The following NAALADL2 variants were observed in gnomAD, a reference collection of about 807,000 sequenced individuals.
NAALADL2 encodes the protein inactive N-acetylated-alpha-linked acidic dipeptidase-like protein 2.
NAALADL2 carries 76 observed loss-of-function variants against 87.2 expected under a neutral mutation model. The ratio of observed to expected loss-of-function variants is 0.87; its 90% CI spans 0.72 to 1.05. The LOEUF (loss-of-function observed/expected upper bound fraction) is 1.05, where lower values mean the gene tolerates loss of function less well. NAALADL2 is among the 50% of genes least tolerant of loss of function. The pLI is 0.00. For missense variants in NAALADL2, 1,089 were observed against 945.8 expected, an observed-to-expected ratio of 1.15 and a Z score of -1.99; for synonymous variants, 354 against 331.0, an observed-to-expected ratio of 1.07 and a Z score of -0.75.
Position 174,883,857 on chromosome 3 carries a change from A to G in NAALADL2, c.43+24407A>G, listed in dbSNP as rs564900776. On this transcript the variant is annotated intron_variant, in intron 1 of 13. Transcript: ENST00000454872. ...ATTGGGCTGTTGTAATTTCCCATTG[A>G]CCTTAAACATAGGGCATGGTAATAC... 5.6e-4 allele frequency among the ~76,000 whole-genome samples: 85 copies of G among 152,124 alleles called. 2 individuals are homozygous for G. Among genetic ancestry groups the G allele is most frequent in the Non-Finnish European group, 9.9e-4 (67 of 68,000 alleles).
intron 1 of NAALADL2, among the ~76,000 whole-genome samples, chr3:175,007,742 C>A (rs1015925604): frequency 4.6e-5 from 7 of 151,840 alleles, no homozygotes; most frequent in Admixed American, 4.6e-4. Context: ...TACATACCTA[C>A]AAAAATATTT....
chr3:174,645,312 C>T (rs891653547), intron 2 of NAALADL2, among the ~76,000 whole-genome samples: 1 of 151,834 alleles, frequency 6.6e-6, no homozygotes, highest in Non-Finnish European at 1.5e-5. Flanking sequence ...CACGGTAGTC[C>T]CTAAAGTAGT....
chr3:175,074,917 G>A (rs556787714), intron 1 of NAALADL2, among the ~76,000 whole-genome samples: 134 of 146,030 alleles, frequency 9.2e-4, no homozygotes, highest in African/African-American at 3.3e-3. Flanking sequence ...CAGAGAAGGA[G>A]AAGGAGGAGG....
At chr3:174,565,106 T>C (rs1233481847) in intron 2 of NAALADL2, among the ~76,000 whole-genome samples, 1 of 152,100 alleles carries the variant, frequency 6.6e-6, no homozygotes, top group East Asian at 1.9e-4. Context: ...GTTTGCCCTA[T>C]TATTAACATC....
At chr3:175,284,156 G>A (rs919070100) in intron 4 of NAALADL2, among the ~76,000 whole-genome samples, 2 of 148,938 alleles carry the variant, frequency 1.3e-5, no homozygotes, top group African/African-American at 2.5e-5. Flanking sequence ...AAAGAAAATG[G>A]CAAAGGATAA....
intron 2 of NAALADL2, among the ~76,000 whole-genome samples, chr3:175,171,975 T>A (rs986339953): frequency 6.6e-6 from 1 of 151,916 alleles, no homozygotes; most frequent in Non-Finnish European, 1.5e-5. Flanking sequence ...AGTTAGAAAA[T>A]CTAAGTTGTA....
intron 1 of NAALADL2, among the ~76,000 whole-genome samples, chr3:175,051,460 T>C (rs557399826): frequency 2.6e-4 from 39 of 152,182 alleles, no homozygotes; most frequent in African/African-American, 8.9e-4. Flanking sequence ...CAGGATTCAG[T>C]TTCTTGTGGT....
chr3:175,496,713 C>A (rs1467310455), intron 9 of NAALADL2, among the ~76,000 whole-genome samples: 4 of 151,928 alleles, frequency 2.6e-5, no homozygotes, highest in Non-Finnish European at 5.9e-5. Context: ...GCCACTACAC[C>A]CAGCTATTTT....
At chr3:175,038,232 ATCT>A (rs1486292203) in intron 1 of NAALADL2, among the ~76,000 whole-genome samples, 1 of 152,174 alleles carries the variant, frequency 6.6e-6, no homozygotes, top group African/African-American at 2.4e-5. Flanking sequence ...TTGCTAACAA[ATCT>A]TCTTATAAAA....
intron 1 of NAALADL2, among the ~76,000 whole-genome samples, chr3:175,041,297 A>G (rs1754052466): frequency 1.3e-5 from 2 of 152,158 alleles, no homozygotes; most frequent in African/African-American, 2.4e-5. Flanking sequence ...AAGCAAATCT[A>G]TAATTTACAA....
intron 9 of NAALADL2, among the ~76,000 whole-genome samples, chr3:175,515,784 A>T (rs762089227): frequency 6.6e-6 from 1 of 152,138 alleles, no homozygotes; most frequent in African/African-American, 2.4e-5. Context: ...ATGATTTCCC[A>T]GTTGTTTCTC....
chr3:174,652,345 CACCA>C (rs1724450372), intron 2 of NAALADL2, among the ~76,000 whole-genome samples: 2 of 147,660 alleles, frequency 1.4e-5, no homozygotes, highest in African/African-American at 2.7e-5. Context: ...ACACTGAAAA[CACCA>C]ACCATAATGT....
At chr3:175,279,932 C>T (rs1754071087) in intron 4 of NAALADL2, among the ~76,000 whole-genome samples, 1 of 151,618 alleles carries the variant, frequency 6.6e-6, no homozygotes, top group African/African-American at 2.4e-5. Flanking sequence ...GCAAAAATGC[C>T]ATGCAAATTT....
In NAALADL2 at chr3:174,696,504, C is replaced by T. The variant is rs1313817123; in HGVS notation, c.-114-41137C>T. Among the ~76,000 whole-genome samples, 4 of 148,892 alleles carry T rather than the reference C, an allele frequency of 2.7e-5. No individual in the cohort carries two copies. The East Asian group carries it at 7.8e-4, about 29-fold the overall frequency. ...TGGTTAAAAACATTCTTGACTGATA[C>T]TGCTATCATTTATTAATTACCTTAC... On this transcript the variant is annotated intron_variant, in intron 2 of 3. Coordinates refer to the NAALADL2 transcript ENST00000434257.
At chr3:174,633,878 G>C (rs1428877508) in intron 2 of NAALADL2, among the ~76,000 whole-genome samples, 3 of 152,182 alleles carry the variant, frequency 2.0e-5, no homozygotes, top group Non-Finnish European at 1.5e-5. Flanking sequence ...ATTCTAAGGA[G>C]CATAGACTTG....
chr3:175,190,201 A>T (rs1447554944), intron 2 of NAALADL2, among the ~76,000 whole-genome samples: 1 of 152,050 alleles, frequency 6.6e-6, no homozygotes, highest in African/African-American at 2.4e-5. Flanking sequence ...AACAAAAATA[A>T]TTAAATAGTA....
At chr3:175,056,284 C>T (rs1264147778) in intron 1 of NAALADL2, among the ~76,000 whole-genome samples, 1 of 152,190 alleles carries the variant, frequency 6.6e-6, no homozygotes, top group African/African-American at 2.4e-5. Context: ...TGGTTATACT[C>T]TCCTTCCTTC....
chr3:175,652,465 A>C (rs1023814926), intron 11 of NAALADL2, among the ~76,000 whole-genome samples: 37 of 146,340 alleles, frequency 2.5e-4, no homozygotes, highest in African/African-American at 8.6e-4. Context: ...AGGACTGTTT[A>C]TTTTCTTTTC....
At chr3:174,956,704 A>G (rs1411469634) in intron 1 of NAALADL2, among the ~76,000 whole-genome samples, 3 of 151,966 alleles carry the variant, frequency 2.0e-5, no homozygotes, top group Non-Finnish European at 4.4e-5. Flanking sequence ...CCAGTTCTGG[A>G]GAAGGGTGGA....
Sources: allele counts gnomAD v4.1 joint callset (sites outside exome capture counted in the v4.1 genomes callset), GRCh38; gene constraint gnomAD v4.1.1; transcripts MANE v1.5; gene names NCBI Gene and HGNC (gene_info 2026-07-23, HGNC 2026-07-21).